DIP2C: variants seen among roughly 807,000 people sequenced by gnomAD.
DIP2C encodes DIP2 acetate--CoA ligase C (putative), also known as disco-interacting protein 2 homolog C.
In DIP2C, 33 loss-of-function variants were observed where a neutral mutation model predicts 192.4. The ratio of observed to expected loss-of-function variants is 0.17; its 90% confidence interval spans 0.13 to 0.23. DIP2C has a LOEUF of 0.23. Ranked by LOEUF, DIP2C falls within the 10% of genes least tolerant of loss-of-function variation. The probability of loss-of-function intolerance (pLI) is 1.00; values close to 1 mark genes in which losing one functional copy is unlikely to be tolerated. For synonymous variants in DIP2C, 979 were observed against 864.1 expected (o/e 1.13, Z -2.33); for missense variants, 1,537 against 2,110.1 (o/e 0.73, Z 5.32).
chr10:480,221 G>C (rs1843497863), intron 2 of DIP2C, among the ~76,000 whole-genome samples: 1 of 150,184 alleles, frequency 6.7e-6, no homozygotes, highest in African/African-American at 2.5e-5. Context: ...CCACCAGCCT[G>C]AGCTCCGGTC....
chr10:424,365 T>G (rs1966431417), intron 4 of DIP2C, among the ~76,000 whole-genome samples: 1 of 133,716 alleles, frequency 7.5e-6, no homozygotes, highest in South Asian at 2.5e-4. Context: ...GTTTTTTTTT[T>G]TTTTTTTTTT....
intron 3 of DIP2C, among the ~76,000 whole-genome samples, chr10:454,786 C>T (rs1230091508): frequency 3.3e-5 from 5 of 150,674 alleles, no homozygotes; most frequent in South Asian, 2.1e-4. Context: ...ATGAGATATT[C>T]GGGGGATAAA....
At chr10:349,731 T>A (rs1403431563) in intron 24 of DIP2C, among the ~76,000 whole-genome samples, 4 of 152,194 alleles carry the variant, frequency 2.6e-5, no homozygotes, top group Non-Finnish European at 5.9e-5. Flanking sequence ...ACAAGCAATA[T>A]TTTAAAAAAT....
chr10:611,216 C>T (rs1011520497), intron 1 of DIP2C, among the ~76,000 whole-genome samples: 2 of 152,102 alleles, frequency 1.3e-5, no homozygotes, highest in Non-Finnish European at 2.9e-5. Context: ...CTCTTTCCGG[C>T]CATGTAAAGA....
At chr10:674,655 G>C (rs563821032) in intron 1 of DIP2C, among the ~76,000 whole-genome samples, 1 of 151,870 alleles carries the variant, frequency 6.6e-6, no homozygotes, top group Non-Finnish European at 1.5e-5. Context: ...TGCAATCCCA[G>C]CTACTTGGGA....
At chr10:371,572 A>G (rs1200816394) in intron 17 of DIP2C, among the ~76,000 whole-genome samples, 1 of 152,060 alleles carries the variant, frequency 6.6e-6, no homozygotes, top group Non-Finnish European at 1.5e-5. Context: ...AGTGACAGGT[A>G]CCCATCCAGG....
At chr10:361,629 G>A (rs925792284) in intron 22 of DIP2C, among the ~76,000 whole-genome samples, 1 of 152,176 alleles carries the variant, frequency 6.6e-6, no homozygotes, top group African/African-American at 2.4e-5. Flanking sequence ...TGGGGAGAGA[G>A]GATCAGGTCA....
chr10:399,424 T>G (rs1348110786), intron 9 of DIP2C, among the ~76,000 whole-genome samples: 1 of 152,256 alleles, frequency 6.6e-6, no homozygotes, highest in Non-Finnish European at 1.5e-5. Context: ...CAGTCGTCTA[T>G]GATACTGTCA....
chr10:354,604 C>T lies in DIP2C; in HGVS notation c.2985+1822G>A, dbSNP rs147225304. Among the ~76,000 whole-genome samples, 24 of 152,264 alleles carry T rather than the reference C, an allele frequency of 1.6e-4. 1 individual carries two copies. The highest frequency in any genetic ancestry group is 5.8e-4 in the African/African-American group (24 of 41,548). On this transcript the variant is annotated intron_variant, in intron 24 of 36. Transcript: ENST00000280886. The stretch of plus-strand genomic sequence containing the variant: ...TGGACACATGCTTGTGCAACCCCCA[C>T]ACATGGGAGCAGCGTGTCAGGCAAC...
At chr10:591,722 C>T (rs889070007) in intron 1 of DIP2C, among the ~76,000 whole-genome samples, 1 of 152,130 alleles carries the variant, frequency 6.6e-6, no homozygotes, top group Admixed American at 6.5e-5. Context: ...GCAGGAACCA[C>T]CAAGGTAACC....
intron 1 of DIP2C, among the ~76,000 whole-genome samples, chr10:674,799 G>T (rs367566926): frequency 0.033 from 2,152 of 64,610 alleles, 26 homozygotes; most frequent in Non-Finnish European, 0.046. Flanking sequence ...TAGAGAGAGA[G>T]AGAGAGAGAG....
At chr10:285,165 A>AAC (rs1830345650) in intron 34 of DIP2C, among the ~76,000 whole-genome samples, 1 of 151,850 alleles carries the variant, frequency 6.6e-6, no homozygotes, top group Non-Finnish European at 1.5e-5. Flanking sequence ...AAAAAAAAAA[A>AAC]AAAAAACACA....
chr10:347,589 C>T (rs1194294261), intron 26 of DIP2C, among the ~76,000 whole-genome samples: 5 of 137,492 alleles, frequency 3.6e-5, no homozygotes, highest in African/African-American at 1.4e-4. Flanking sequence ...CCAGACACAT[C>T]GCGCATAGTT....
chr10:390,439 C>A (rs1325443558), intron 11 of DIP2C, 66 bp from the exon 12 acceptor site: 3 of 1,459,982 alleles, frequency 2.1e-6, no homozygotes, highest in Middle Eastern at 1.7e-4. Context: ...AATTTCTCCC[C>A]ATTTATGTGG....
chr10:311,481 A>G (rs1589446924), intron 31 of DIP2C: 1 of 1,227,486 alleles, frequency 8.1e-7, no homozygotes, highest in East Asian at 3.2e-5. Context: ...GGATGCGGGC[A>G]AGGCAGCGGG....
chr10:570,321 G>A (rs930889570), intron 1 of DIP2C, among the ~76,000 whole-genome samples: 6 of 152,154 alleles, frequency 3.9e-5, no homozygotes, highest in African/African-American at 7.2e-5. Flanking sequence ...GTTTTAAAGA[G>A]GCCAAGCACA....
chr10:466,875 A>C (rs1333903905), intron 3 of DIP2C, among the ~76,000 whole-genome samples: 1 of 140,920 alleles, frequency 7.1e-6, no homozygotes, highest in Non-Finnish European at 1.6e-5. Context: ...TTAAAAAGTC[A>C]GGAAACAACA....
At chr10:454,510 A>G (rs966151612) in intron 3 of DIP2C, among the ~76,000 whole-genome samples, 2 of 151,874 alleles carry the variant, frequency 1.3e-5, no homozygotes, top group African/African-American at 2.4e-5. Context: ...TCAGGGATAA[A>G]AGCATCAGCA....
chr10:651,105 G>A lies in DIP2C; in HGVS notation c.85+38389C>T, dbSNP rs1236874308. The A allele has an allele frequency of 7.0e-6, 5 of 717,434 alleles. No individual in the cohort carries two copies. Among genetic ancestry groups the A allele is most frequent in the Non-Finnish European group, 1.0e-5 (4 of 385,090 alleles). The allele number at this position is 717,434 out of a possible 1,614,324, so 44.4% of individuals were successfully genotyped here. On this transcript the variant is annotated intron_variant, in intron 1 of 36. Coordinates refer to ENST00000280886, the MANE Select transcript of DIP2C (RefSeq NM_014974.3). The surrounding 1 kb of genome is among the most constrained non-coding windows in gnomAD (Gnocchi z 4.1). ...TCCCACACCTCCCAAACTCTCTCCT[G>A]GCCAGCTCTCGCCACACTCAGTCAA...
Sources: allele counts gnomAD v4.1 joint callset (sites outside exome capture counted in the v4.1 genomes callset), GRCh38; gene constraint gnomAD v4.1.1; non-coding constraint Gnocchi (gnomAD v3.1); transcripts MANE v1.5; gene names NCBI Gene and HGNC (gene_info 2026-07-23, HGNC 2026-07-21).